ANO4: variants seen among roughly 807,000 people sequenced by gnomAD.
ANO4 encodes anoctamin 4, also known as anoctamin-4.
A neutral mutation model predicts 141.9 loss-of-function variants in ANO4; 69 were observed. The ratio of observed to expected loss-of-function variants is 0.49; its 90% CI spans 0.40 to 0.59. ANO4 has a LOEUF of 0.59. Ranked by LOEUF, ANO4 falls within the 20% of genes least tolerant of loss-of-function variation. The pLI, the probability that ANO4 is intolerant of heterozygous loss-of-function variation, is 0.00. For synonymous variants in ANO4, 350 were observed against 394.3 expected, an observed-to-expected ratio of 0.89 and a Z score of 1.33; for missense variants, 894 against 1,162.2, an observed-to-expected ratio of 0.77 and a Z score of 3.36.
At chr12:100,990,953 G>A (rs1412945757) in intron 8 of ANO4, among the ~76,000 whole-genome samples, 1 of 152,078 alleles carries the variant, frequency 6.6e-6, no homozygotes, top group Non-Finnish European at 1.5e-5. Flanking sequence ...AGGACCTAGT[G>A]TTGTTTGAAA....
At chr12:100,824,322 G>T (rs2036214152) in intron 1 of ANO4, among the ~76,000 whole-genome samples, 1 of 151,962 alleles carries the variant, frequency 6.6e-6, no homozygotes, top group African/African-American at 2.4e-5. Context: ...TTTGTTGAAT[G>T]AGTAAAAGAA....
At chr12:100,744,236 T>A (rs2032002545) in intron 3 of ANO4, among the ~76,000 whole-genome samples, 1 of 152,242 alleles carries the variant, frequency 6.6e-6, no homozygotes, top group Non-Finnish European at 1.5e-5. Context: ...TTTATTATTC[T>A]ATTTAATGCT....
intron 5 of ANO4, among the ~76,000 whole-genome samples, chr12:100,945,231 C>T (rs893090320): frequency 1.3e-5 from 2 of 152,140 alleles, no homozygotes; most frequent in Non-Finnish European, 2.9e-5. Flanking sequence ...AGTTTAACAT[C>T]CTTATCTCTT....
intron 3 of ANO4, among the ~76,000 whole-genome samples, chr12:100,770,875 C>T (rs2033270844): frequency 6.7e-6 from 1 of 149,446 alleles, no homozygotes; most frequent in Admixed American, 6.7e-5. Context: ...TTTTATACCT[C>T]TTAGAAATAG....
chr12:101,005,486 C>A (rs1297533263), intron 8 of ANO4, among the ~76,000 whole-genome samples: 1 of 152,086 alleles, frequency 6.6e-6, no homozygotes, highest in Non-Finnish European at 1.5e-5. Flanking sequence ...CATTTTCTGA[C>A]CTTAAGGATT....
chr12:100,754,209 C>T (rs2032511509), intron 3 of ANO4, among the ~76,000 whole-genome samples: 1 of 152,190 alleles, frequency 6.6e-6, no homozygotes, highest in Admixed American at 6.5e-5. Flanking sequence ...GTAATGTGCA[C>T]CTATGAACAC....
At chr12:100,876,278 C>CAAAAAAAAAAA (rs79799106) in intron 1 of ANO4, among the ~76,000 whole-genome samples, 1 of 91,952 alleles carries the variant, frequency 1.1e-5, no homozygotes, top group Non-Finnish European at 2.2e-5. Flanking sequence ...ATATAAAGAC[C>CAAAAAAAAAAA]AAAAAAAAAA....
chr12:100,817,920 A>C (rs909182834), intron 1 of ANO4, among the ~76,000 whole-genome samples: 1 of 151,818 alleles, frequency 6.6e-6, no homozygotes, highest in African/African-American at 2.4e-5. Flanking sequence ...TTTTTTGCAT[A>C]ATCATGCCTG....
chr12:101,098,037 C>G, intron 21 of ANO4, 92 bp downstream of exon 21: 2 of 1,094,638 alleles, frequency 1.8e-6, no homozygotes, highest in Admixed American at 1.9e-5. Context: ...GCAGACTCAG[C>G]AGTTAAGCCA....
At chr12:101,020,243 A>C in intron 9 of ANO4, 103 bp downstream of exon 9, 2 of 745,810 alleles carry the variant, frequency 2.7e-6, no homozygotes. Flanking sequence ...AATGCTTGTC[A>C]CTTATAAAAC....
intron 3 of ANO4, among the ~76,000 whole-genome samples, chr12:100,780,251 A>G (rs1455302437): frequency 6.6e-6 from 1 of 152,154 alleles, no homozygotes; most frequent in African/African-American, 2.4e-5. Context: ...GGCTTAGCTC[A>G]GGAGGTTTCT....
At chr12:100,823,068 A>G (rs1245281721) in intron 1 of ANO4, among the ~76,000 whole-genome samples, 1 of 152,028 alleles carries the variant, frequency 6.6e-6, no homozygotes, top group Non-Finnish European at 1.5e-5. Context: ...ATATTTACAG[A>G]TAATGAATAA....
chr12:100,922,364 G>C (rs1411921756), intron 3 of ANO4, 34 bp downstream of exon 3: 2 of 1,450,020 alleles, frequency 1.4e-6, no homozygotes, highest in East Asian at 5.1e-5. Context: ...TTCGCCGTGA[G>C]AGAAGAAGCT....
At chr12:100,966,952 G>A (rs947676236) in intron 5 of ANO4, among the ~76,000 whole-genome samples, 2 of 151,454 alleles carry the variant, frequency 1.3e-5, no homozygotes, top group Non-Finnish European at 2.9e-5. Context: ...GGACTGCTTG[G>A]ATTAGATAGT....
intron 1 of ANO4, among the ~76,000 whole-genome samples, chr12:100,717,829 CAG>C (rs2030677682): frequency 1.3e-5 from 2 of 152,202 alleles, no homozygotes; most frequent in Non-Finnish European, 2.9e-5. Context: ...TCCGACCACT[CAG>C]GGGAAGGGAC....
intron 5 of ANO4, among the ~76,000 whole-genome samples, chr12:100,969,931 G>A (rs76911121): frequency 1.6e-4 from 24 of 152,308 alleles, no homozygotes; most frequent in East Asian, 1.5e-3. Flanking sequence ...TGTGGAAAGT[G>A]ACTTCCAAAG....
At chr12:101,033,705 A>G (rs564529829) in intron 9 of ANO4, among the ~76,000 whole-genome samples, 3 of 152,308 alleles carry the variant, frequency 2.0e-5, no homozygotes, top group South Asian at 4.1e-4. Context: ...TGAACAGACA[A>G]TCTACAGAGC....
intron 5 of ANO4, among the ~76,000 whole-genome samples, chr12:100,968,103 AAAT>A (rs1478081191): frequency 6.6e-6 from 1 of 152,022 alleles, no homozygotes; most frequent in African/African-American, 2.4e-5. Flanking sequence ...AATAATAAAT[AAAT>A]AATATTGTTA....
chr12:101,122,730 T>G (rs1325988723), intron 26 of ANO4, among the ~76,000 whole-genome samples: 1 of 152,182 alleles, frequency 6.6e-6, no homozygotes, highest in Non-Finnish European at 1.5e-5. Context: ...CCACACATAT[T>G]GAAATATACT....
Sources: allele counts gnomAD v4.1 joint callset (sites outside exome capture counted in the v4.1 genomes callset), GRCh38; gene constraint gnomAD v4.1.1; transcripts MANE v1.5; gene names NCBI Gene and HGNC (gene_info 2026-07-23, HGNC 2026-07-21).